APTX: variants seen among roughly 807,000 people sequenced by gnomAD.
The protein encoded by APTX is forkhead-associated domain histidine triad-like protein.
Under a neutral mutation model 42.3 loss-of-function variants are expected in APTX, and 33 were observed. The observed-to-expected ratio is 0.78, with a 90% confidence interval of 0.59 to 1.04. The LOEUF is 1.04. APTX is among the 50% of genes least tolerant of loss of function. APTX has a pLI of 0.00. For missense variants in APTX, 421 were observed against 415.1 expected (o/e 1.01, Z -0.12); for synonymous variants, 130 against 146.7 (o/e 0.89, Z 0.82).
intron 2 of APTX, among the ~76,000 whole-genome samples, chr9:32,989,124 G>A (rs1832923167): frequency 6.6e-6 from 1 of 152,174 alleles, no homozygotes. Context: ...CTCAGCTCAA[G>A]CATGGCTTTG....
chr9:33,001,675 C>T (rs750481270), upstream of APTX: 3 of 1,585,034 alleles, frequency 1.9e-6, no homozygotes, highest in Non-Finnish European at 2.6e-6. Context: ...GTGACGTCAC[C>T]AGCACCTCTC....
chr9:32,995,761 A>G (rs899612988), intron 1 of APTX, among the ~76,000 whole-genome samples: 9 of 151,836 alleles, frequency 5.9e-5, no homozygotes, highest in East Asian at 5.8e-4. Flanking sequence ...GGTGGCGGGC[A>G]CCTGTAGTCC....
At chr9:33,023,293 T>C (rs866399700) in intron 1 of APTX, among the ~76,000 whole-genome samples, 1 of 151,892 alleles carries the variant, frequency 6.6e-6, no homozygotes, top group African/African-American at 2.4e-5. Flanking sequence ...GCACCATCTC[T>C]GCTCACTGCA....
chr9:32,993,719 C>CTTTT (rs1269512640), intron 1 of APTX, among the ~76,000 whole-genome samples: 1 of 132,984 alleles, frequency 7.5e-6, no homozygotes, highest in Non-Finnish European at 1.6e-5. Context: ...ACCTCTATAT[C>CTTTT]TTTTTTTTTT....
At chr9:33,021,977 A>AG (rs1564007574) in intron 1 of APTX, among the ~76,000 whole-genome samples, 4 of 151,248 alleles carry the variant, frequency 2.6e-5, no homozygotes, top group Admixed American at 2.0e-4. Flanking sequence ...AAAAAAAAAA[A>AG]AGGGAAACAA....
At chr9:32,979,364 C>T (rs1273584346) in intron 6 of APTX, among the ~76,000 whole-genome samples, 1 of 152,170 alleles carries the variant, frequency 6.6e-6, no homozygotes, top group Admixed American at 6.5e-5. Flanking sequence ...CTGCAGAGGA[C>T]ATGTTCTCGT....
rs148642307 is a variant in APTX at position 32,984,453 on chromosome 9, C to T, written c.770+178G>A. ...ACTGAATTATAGGCAGAAGTGGGAA[C>T]TCAAAGCTTGCATGCAAGTCAGGCA... On this transcript the variant is annotated intron_variant, in intron 6 of 7. Coordinates refer to ENST00000379817, the MANE Select transcript of APTX (RefSeq NM_001195248.2). Among the ~76,000 whole-genome samples the T allele has an allele frequency of 2.0e-3, 312 of 152,274 alleles. 1 individual carries two copies. The highest frequency in any genetic ancestry group is 7.3e-3 in the African/African-American group (303 of 41,550).
chr9:32,986,068 AAACAAGC>A, intron 4 of APTX, 38 bp from the exon 5 acceptor site: 2 of 1,506,968 alleles, frequency 1.3e-6, no homozygotes, highest in Non-Finnish European at 1.8e-6. Flanking sequence ...AAAAAAAAAA[AAACAAGC>A]AATGTAAATT....
chr9:32,999,999 G>A (rs759563784), intron 1 of APTX, among the ~76,000 whole-genome samples: 3 of 152,158 alleles, frequency 2.0e-5, no homozygotes, highest in Non-Finnish European at 4.4e-5. Flanking sequence ...AAGAGTAGGT[G>A]TCTGGGAGCT....
intron 1 of APTX, among the ~76,000 whole-genome samples, chr9:32,998,585 C>G (rs1439772761): frequency 1.3e-5 from 2 of 152,058 alleles, no homozygotes; most frequent in African/African-American, 2.4e-5. Context: ...ATGGATGAAG[C>G]TGGAAACCAT....
At chr9:33,001,489 TAG>T in intron 1 of APTX, 76 bp downstream of exon 1, 1 of 1,606,364 alleles carries the variant, frequency 6.2e-7, no homozygotes, top group Non-Finnish European at 8.5e-7. Context: ...CACTCAAGGG[TAG>T]GAGCAGCCTC....
intron 1 of APTX, among the ~76,000 whole-genome samples, chr9:33,017,135 A>G (rs1837958543): frequency 6.6e-6 from 1 of 152,178 alleles, no homozygotes; most frequent in African/African-American, 2.4e-5. Flanking sequence ...CTACAATTTA[A>G]TTCAGTGTGG....
At chr9:33,022,813 G>T (rs1303295304) in intron 1 of APTX, among the ~76,000 whole-genome samples, 1 of 152,078 alleles carries the variant, frequency 6.6e-6, no homozygotes, top group Non-Finnish European at 1.5e-5. Flanking sequence ...TTTATTTTAC[G>T]TAAGAATGCT....
chr9:33,003,994 G>T (rs1263014744), upstream of APTX, among the ~76,000 whole-genome samples: 2 of 152,152 alleles, frequency 1.3e-5, no homozygotes, highest in Non-Finnish European at 2.9e-5. Flanking sequence ...TTCACAATTT[G>T]CAATTGCAAG....
chr9:32,996,433 G>A (rs906217155), intron 1 of APTX, among the ~76,000 whole-genome samples: 3 of 151,980 alleles, frequency 2.0e-5, no homozygotes, highest in African/African-American at 7.2e-5. Context: ...ACACCACCAT[G>A]CCTTGCTAAT....
chr9:33,007,817 A>G (rs1475751281), intron 1 of APTX, among the ~76,000 whole-genome samples: 1 of 151,874 alleles, frequency 6.6e-6, no homozygotes, highest in East Asian at 1.9e-4. Context: ...GGGTGAAACA[A>G]CTTTGATGTG....
chr9:32,983,915 GGAGA>G (rs888445553), intron 6 of APTX, among the ~76,000 whole-genome samples: 9 of 152,102 alleles, frequency 5.9e-5, no homozygotes, highest in Non-Finnish European at 8.8e-5. Flanking sequence ...AAACAGTTCT[GGAGA>G]TAGATGGTAG....
intron 1 of APTX, 28 bp downstream of exon 1, chr9:33,001,539 A>T: frequency 6.2e-7 from 1 of 1,613,642 alleles, no homozygotes; most frequent in South Asian, 1.1e-5. Flanking sequence ...CCCAGCCAGC[A>T]GAAGAGATAG....
intron 1 of APTX, among the ~76,000 whole-genome samples, chr9:33,012,177 G>A (rs1241345484): frequency 6.6e-6 from 1 of 152,104 alleles, no homozygotes; most frequent in Non-Finnish European, 1.5e-5. Flanking sequence ...TATGAGGCCT[G>A]TAACAAAAAT....
Sources: allele counts gnomAD v4.1 joint callset (sites outside exome capture counted in the v4.1 genomes callset), GRCh38; gene constraint gnomAD v4.1.1; transcripts MANE v1.5; gene names NCBI Gene and HGNC (gene_info 2026-07-23, HGNC 2026-07-21).